The following C2orf76 variants were observed in gnomAD, a reference collection of about 807,000 sequenced individuals.
The protein encoded by C2orf76 is UPF0538 protein C2orf76.
Under a neutral mutation model 16.9 loss-of-function variants are expected in C2orf76, and 23 were observed. That is an observed-to-expected ratio of 1.36 (90% CI 0.98 to 1.93). The LOEUF (loss-of-function observed/expected upper bound fraction) is 1.93. C2orf76 is among the 30% of genes most tolerant of loss of function. C2orf76 has a pLI of 0.00. For synonymous variants in C2orf76, 48 were observed against 52.3 expected, an observed-to-expected ratio of 0.92 and a Z score of 0.35; for missense variants, 152 against 152.6, an observed-to-expected ratio of 1.00 and a Z score of 0.02.
At chr2:119,339,793 A>G (rs377423903) in intron 2 of C2orf76, 34 bp downstream of exon 2, 38 of 1,561,774 alleles carry the variant, frequency 2.4e-5, no homozygotes, top group Non-Finnish European at 3.2e-5. Flanking sequence ...TTTAAAAACT[A>G]CTAGTAAAAC....
intron 5 of C2orf76, among the ~76,000 whole-genome samples, chr2:119,304,061 G>A (rs1361253135): frequency 6.6e-6 from 1 of 152,192 alleles, no homozygotes; most frequent in Non-Finnish European, 1.5e-5. Flanking sequence ...AATCAAGAAA[G>A]AGAGCTTCAA....
intron 2 of C2orf76, 46 bp from the exon 3 acceptor site, chr2:119,321,250 T>C: frequency 1.0e-6 from 1 of 986,620 alleles, no homozygotes. Flanking sequence ...AAATAGACAC[T>C]CATAGAATAT....
intron 3 of C2orf76, among the ~76,000 whole-genome samples, chr2:119,320,520 T>C (rs758039564): frequency 9.2e-5 from 14 of 152,142 alleles, no homozygotes; most frequent in African/African-American, 1.4e-4. Flanking sequence ...ACGGCGAAGA[T>C]TGTGATTTCA....
At chr2:119,339,675 A>C in intron 2 of C2orf76, 152 bp downstream of exon 2, 35 of 637,226 alleles carry the variant, frequency 5.5e-5, no homozygotes, top group East Asian at 1.8e-4. Flanking sequence ...TGCAGATGCC[A>C]GGGCCCAGAA....
intron 2 of C2orf76, among the ~76,000 whole-genome samples, chr2:119,327,380 A>G (rs112765149): frequency 1.4e-4 from 14 of 97,734 alleles, no homozygotes; most frequent in African/African-American, 5.7e-4. Context: ...CCAGCATTGC[A>G]TTCTTAGGAT....
downstream of C2orf76, among the ~76,000 whole-genome samples, chr2:119,298,297 A>AAAT (rs1678569842): frequency 1.3e-5 from 2 of 152,210 alleles, no homozygotes; most frequent in African/African-American, 4.8e-5. Flanking sequence ...AATGGTATGA[A>AAAT]GTAGGACCCT....
the C2orf76 span, among the ~76,000 whole-genome samples, chr2:119,294,919 G>C: frequency 6.6e-6 from 1 of 152,138 alleles, no homozygotes; most frequent in Non-Finnish European, 1.5e-5. Flanking sequence ...AAGGCATAGA[G>C]GATCTCAAGT....
chr2:119,307,127 G>A lies in C2orf76; in HGVS notation c.304+4495C>T, dbSNP rs1285004058. On this transcript the variant is annotated intron_variant, in intron 5 of 5. Coordinates refer to ENST00000334816, the MANE Select transcript of C2orf76 (RefSeq NM_001322331.2). ...CTAACCAGACACGGCACTGAGGGAG[G>A]GAAAATTCCCTAGAAAAATCACATA... is the stretch of plus-strand genomic sequence containing the variant. Among the ~76,000 whole-genome samples, 3 of 151,862 alleles carry A rather than the reference G, an allele frequency of 2.0e-5. 1 individual carries two copies. Among genetic ancestry groups the A allele is most frequent in the African/African-American group, 7.3e-5 (3 of 41,346 alleles).
Position 119,355,968 on chromosome 2 carries a change from A to G in C2orf76, c.-13+10822T>C, listed in dbSNP as rs376612705. On this transcript the variant is annotated intron_variant, in intron 1 of 5. Coordinates refer to ENST00000334816, the MANE Select transcript of C2orf76 (RefSeq NM_001322331.2). Reference sequence around the variant, plus strand: ...GAAAAAACCATGACGAGTCTGAAGAAGTGAAATTAAACAATGTGTTCTCTG... The same window carrying G: ...GAAAAAACCATGACGAGTCTGAAGAGGTGAAATTAAACAATGTGTTCTCTG... Among the ~76,000 whole-genome samples, 25 of 152,348 alleles carry G rather than the reference A, an allele frequency of 1.6e-4. No individual in the cohort carries two copies. The South Asian group carries it at 4.6e-3, about 28-fold the overall frequency.
intron 5 of C2orf76, among the ~76,000 whole-genome samples, chr2:119,302,952 T>TCC (rs113439320): frequency 1.8e-4 from 28 of 151,690 alleles, no homozygotes; most frequent in Admixed American, 3.3e-4. Flanking sequence ...AAAACTCTTT[T>TCC]CCCCCCCTGA....
At chr2:119,289,045 A>G in the C2orf76 span, among the ~76,000 whole-genome samples, 1 of 152,082 alleles carries the variant, frequency 6.6e-6, no homozygotes, top group Non-Finnish European at 1.5e-5. Context: ...AGACACTGAA[A>G]AAGCCAACAT....
chr2:119,302,865 T>C (rs999156184), intron 5 of C2orf76, among the ~76,000 whole-genome samples: 5 of 152,202 alleles, frequency 3.3e-5, no homozygotes, highest in African/African-American at 1.2e-4. Flanking sequence ...TTTACAGTCT[T>C]TTTTACAGTG....
chr2:119,326,268 C>A (rs541680426), intron 2 of C2orf76, among the ~76,000 whole-genome samples: 1 of 152,232 alleles, frequency 6.6e-6, no homozygotes, highest in Non-Finnish European at 1.5e-5. Context: ...AGGAGGTAAG[C>A]ATTGAGGTTC....
the C2orf76 span, among the ~76,000 whole-genome samples, chr2:119,288,980 A>T: frequency 6.6e-6 from 1 of 152,026 alleles, no homozygotes; most frequent in Non-Finnish European, 1.5e-5. Context: ...GGGAAAACCG[A>T]AATAATCTGT....
chr2:119,330,652 T>C (rs1395463398), intron 2 of C2orf76, among the ~76,000 whole-genome samples: 1 of 152,192 alleles, frequency 6.6e-6, no homozygotes, highest in African/African-American at 2.4e-5. Context: ...ATATATCTTC[T>C]GTCCCCCGTC....
downstream of C2orf76, among the ~76,000 whole-genome samples, chr2:119,299,061 G>A (rs1471681236): frequency 6.6e-6 from 1 of 151,888 alleles, no homozygotes; most frequent in East Asian, 1.9e-4. Context: ...AACTACAGGG[G>A]CAAATTACCA....
intron 2 of C2orf76, among the ~76,000 whole-genome samples, chr2:119,321,726 T>C (rs927110314): frequency 1.3e-5 from 2 of 152,144 alleles, no homozygotes; most frequent in Non-Finnish European, 2.9e-5. Context: ...ATTAGAGCTA[T>C]TGACAAGATG....
At chr2:119,314,014 G>GTTTTTTTTT (rs368623211) in intron 4 of C2orf76, among the ~76,000 whole-genome samples, 24 of 86,132 alleles carry the variant, frequency 2.8e-4, no homozygotes, top group South Asian at 4.8e-4. Context: ...TTTCTCAGTG[G>GTTTTTTTTT]TTTTTTTTTT....
At chr2:119,366,866 C>T (rs913061202), upstream of C2orf76, 8 of 759,412 alleles carry the variant, frequency 1.1e-5, no homozygotes, top group Middle Eastern at 3.8e-4. Flanking sequence ...GGGCTAGCGC[C>T]GCGGCGGGGG....
Sources: allele counts gnomAD v4.1 joint callset (sites outside exome capture counted in the v4.1 genomes callset), GRCh38; gene constraint gnomAD v4.1.1; transcripts MANE v1.5; gene names NCBI Gene and HGNC (gene_info 2026-07-23, HGNC 2026-07-21).